The following MDGA2 variants were observed in gnomAD, a reference collection of about 807,000 sequenced individuals.
MDGA2 encodes the protein MAM domain containing glycosylphosphatidylinositol anchor 2.
Under a neutral mutation model 117.8 loss-of-function variants are expected in MDGA2, and 40 were observed. That is an observed-to-expected ratio of 0.34 (90% CI 0.26 to 0.44). The LOEUF (loss-of-function observed/expected upper bound fraction) is 0.44, where lower values mean the gene tolerates loss of function less well. Among genes scored for constraint, MDGA2 ranks in the 20% least tolerant of loss-of-function variants. MDGA2 has a pLI of 1.00. For synonymous variants in MDGA2, 452 were observed against 439.0 expected, an observed-to-expected ratio of 1.03 and a Z score of -0.37; for missense variants, 1,123 against 1,250.6, an observed-to-expected ratio of 0.90 and a Z score of 1.54.
chr14:47,515,363 T>C (rs1253683669), intron 1 of MDGA2, among the ~76,000 whole-genome samples: 1 of 152,150 alleles, frequency 6.6e-6, no homozygotes, highest in Non-Finnish European at 1.5e-5. Flanking sequence ...CCTGCACATA[T>C]CAAGATGTAA....
At chr14:47,392,042 T>G (rs1018991877) in intron 1 of MDGA2, among the ~76,000 whole-genome samples, 1 of 152,158 alleles carries the variant, frequency 6.6e-6, no homozygotes, top group African/African-American at 2.4e-5. Context: ...GACCTTAAAT[T>G]AAGTTCCCTT....
At chr14:47,256,414 C>T (rs1887621922) in intron 2 of MDGA2, among the ~76,000 whole-genome samples, 1 of 152,162 alleles carries the variant, frequency 6.6e-6, no homozygotes, top group Admixed American at 6.6e-5. Context: ...GTACCCTTTG[C>T]TCCTATGACC....
At chr14:47,043,410 G>C (rs1029254976) in intron 7 of MDGA2, among the ~76,000 whole-genome samples, 1 of 151,994 alleles carries the variant, frequency 6.6e-6, no homozygotes, top group East Asian at 1.9e-4. Flanking sequence ...AAATTTTTTT[G>C]TGTGTGGTGG....
intron 1 of MDGA2, among the ~76,000 whole-genome samples, chr14:47,371,323 C>T (rs1891354127): frequency 6.6e-6 from 1 of 151,542 alleles, no homozygotes; most frequent in African/African-American, 2.4e-5. Flanking sequence ...AATTTTAAAA[C>T]CTAAAGTACT....
chr14:47,670,846 T>G (rs1898061251), intron 1 of MDGA2, among the ~76,000 whole-genome samples: 1 of 152,110 alleles, frequency 6.6e-6, no homozygotes. Context: ...AAATAACTTT[T>G]TAAAATCCAA....
chr14:47,518,683 A>G (rs1894806077), intron 1 of MDGA2, among the ~76,000 whole-genome samples: 1 of 152,176 alleles, frequency 6.6e-6, no homozygotes, highest in Non-Finnish European at 1.5e-5. Flanking sequence ...TTGGATGACT[A>G]ACATGTTTAA....
intron 6 of MDGA2, among the ~76,000 whole-genome samples, chr14:47,089,193 C>G (rs1226495484): frequency 6.6e-6 from 1 of 152,058 alleles, no homozygotes; most frequent in Non-Finnish European, 1.5e-5. Context: ...GGACTATTAT[C>G]AGTTCAAATA....
chr14:47,666,077 C>T (rs1897952576), intron 1 of MDGA2, among the ~76,000 whole-genome samples: 2 of 152,150 alleles, frequency 1.3e-5, no homozygotes, highest in South Asian at 2.1e-4. Flanking sequence ...ATTGTAAATA[C>T]ACCAATCAGC....
chr14:46,852,263 GC>G (rs1881088471), intron 15 of MDGA2, among the ~76,000 whole-genome samples: 1 of 151,456 alleles, frequency 6.6e-6, no homozygotes, highest in Non-Finnish European at 1.5e-5. Context: ...AAATAACTGG[GC>G]CAACCACAGT....
At chr14:46,916,493 G>T (rs1376107651) in intron 10 of MDGA2, among the ~76,000 whole-genome samples, 1 of 150,978 alleles carries the variant, frequency 6.6e-6, no homozygotes, top group Admixed American at 6.6e-5. Context: ...TTTTAAAAAA[G>T]AACTACATCG....
intron 2 of MDGA2, among the ~76,000 whole-genome samples, chr14:47,273,279 G>A (rs1168896466): frequency 2.0e-5 from 3 of 152,026 alleles, no homozygotes; most frequent in Non-Finnish European, 4.4e-5. Context: ...ATTATATTCT[G>A]ATATTATTAA....
Position 47,035,279 on chromosome 14 carries a change from C to A in MDGA2, c.1551G>T (p.Gln517His). 2.5e-6 allele frequency: 4 copies of A among 1,613,734 alleles called. No homozygotes were observed. The highest frequency in any genetic ancestry group is 3.4e-6 in the Non-Finnish European group (4 of 1,179,794). ...CTCTGGTGACCAATGGTGATTTTTC[C>A]TGTGGAACAGTCAGATTGGGTGGAA... ...STVPPNLTVP[Q>H]EKSPLVTREG... The change falls in exon 8 of 17, where the codon CAG (glutamine) becomes CAT (histidine). Residue 517 changes from glutamine to histidine, a missense_variant. By Grantham distance (24) the Gln-to-His change is conservative. This residue lies in a region of MDGA2 where 890 missense variants were observed against 1,050.3 expected (regional missense o/e 0.85). Coordinates refer to ENST00000399232, the MANE Select transcript of MDGA2 (RefSeq NM_001113498.3).
intron 3 of MDGA2, among the ~76,000 whole-genome samples, chr14:47,181,146 A>C (rs1403706455): frequency 1.3e-5 from 2 of 152,138 alleles, no homozygotes; most frequent in Non-Finnish European, 2.9e-5. Flanking sequence ...ATAGGTATAC[A>C]TGAGCCATCG....
At chr14:47,585,819 G>T (rs1368634043) in intron 1 of MDGA2, among the ~76,000 whole-genome samples, 1 of 151,600 alleles carries the variant, frequency 6.6e-6, no homozygotes, top group Admixed American at 6.6e-5. Context: ...CTTCCACTGT[G>T]TATCACCTTC....
At chr14:47,554,125 C>T (rs1456264090) in intron 1 of MDGA2, among the ~76,000 whole-genome samples, 4 of 152,204 alleles carry the variant, frequency 2.6e-5, no homozygotes, top group South Asian at 2.1e-4. Flanking sequence ...TGGATTTTGG[C>T]GTGGGAGTTC....
At chr14:46,961,056 G>A (rs1885789028) in intron 8 of MDGA2, among the ~76,000 whole-genome samples, 1 of 151,804 alleles carries the variant, frequency 6.6e-6, no homozygotes, top group Non-Finnish European at 1.5e-5. Flanking sequence ...TCTTCAGATG[G>A]CCATTGTTGG....
chr14:46,864,073 AC>A (rs1416328289), intron 14 of MDGA2, among the ~76,000 whole-genome samples: 9 of 43,062 alleles, frequency 2.1e-4, no homozygotes, highest in African/African-American at 6.8e-4. Context: ...CCCTCCCCCC[AC>A]CCCCCACCCC....
At chr14:47,548,763 G>A (rs1025398149) in intron 1 of MDGA2, among the ~76,000 whole-genome samples, 5 of 151,986 alleles carry the variant, frequency 3.3e-5, no homozygotes, top group South Asian at 4.2e-4. Context: ...TGTGGCCAGC[G>A]TGCACATGCC....
chr14:47,466,888 T>C (rs962320138), intron 1 of MDGA2, among the ~76,000 whole-genome samples: 8 of 152,100 alleles, frequency 5.3e-5, no homozygotes, highest in African/African-American at 1.7e-4. Context: ...TTTTGCTTTC[T>C]GACCCTTGCA....
Sources: gnomAD v4.1 joint callset for allele counts (sites outside exome capture counted in the v4.1 genomes callset) on GRCh38, gnomAD v4.1.1 for gene constraint, gnomAD v4.1.1 regional missense constraint, MANE v1.5 for transcripts, NCBI Gene and HGNC (gene_info 2026-07-23, HGNC 2026-07-21) for gene names.